Variants in INPP4A observed in about 807,000 individuals in gnomAD.
INPP4A encodes the protein inositol polyphosphate-4-phosphatase type I A, also known as inositol polyphosphate-4-phosphatase, type I, 107kD.
Under a neutral mutation model 119.8 loss-of-function variants are expected in INPP4A, and 33 were observed. That is an observed-to-expected ratio of 0.28 (90% CI 0.21 to 0.37). The LOEUF is 0.37. Ranked by LOEUF, INPP4A falls within the 10% of genes least tolerant of loss-of-function variation. The pLI is 1.00. For synonymous variants in INPP4A, 496 were observed against 500.7 expected (o/e 0.99, Z 0.12); for missense variants, 956 against 1,289.9 (o/e 0.74, Z 3.97).
intron 1 of INPP4A, among the ~76,000 whole-genome samples, chr2:98,473,725 C>T (rs764960304): frequency 5.9e-5 from 9 of 152,100 alleles, no homozygotes; most frequent in Non-Finnish European, 1.2e-4. Flanking sequence ...CCCAGGGTCA[C>T]ACAGCATTAA....
chr2:98,529,751 AAAAG>A (rs1052806693), intron 4 of INPP4A, among the ~76,000 whole-genome samples: 1 of 152,196 alleles, frequency 6.6e-6, no homozygotes, highest in Non-Finnish European at 1.5e-5. Context: ...AAAAAACAAA[AAAAG>A]ACAAAAAATA....
chr2:98,484,462 G>A (rs1002698770), intron 1 of INPP4A, among the ~76,000 whole-genome samples: 5 of 152,164 alleles, frequency 3.3e-5, no homozygotes, highest in Non-Finnish European at 5.9e-5. Context: ...TCACGTGACT[G>A]GGGTGGGAAG....
chr2:98,457,785 G>T (rs1223153408), intron 1 of INPP4A, among the ~76,000 whole-genome samples: 1 of 152,078 alleles, frequency 6.6e-6, no homozygotes, highest in African/African-American at 2.4e-5. Context: ...GACTATATTA[G>T]GGAGAAACTC....
intron 24 of INPP4A, among the ~76,000 whole-genome samples, chr2:98,586,594 TC>T (rs1183987388): frequency 1.2e-4 from 19 of 152,346 alleles, no homozygotes; most frequent in African/African-American, 4.3e-4. Flanking sequence ...CCCAGAGAAC[TC>T]CCCGGACGCG....
At chr2:98,527,733 G>C (rs144528422) in intron 4 of INPP4A, among the ~76,000 whole-genome samples, 33 of 152,290 alleles carry the variant, frequency 2.2e-4, no homozygotes, top group African/African-American at 7.7e-4. Context: ...CTACAGCAAA[G>C]GTCTGTGATT....
In INPP4A at chr2:98,569,276, C is replaced by G. The variant is rs1697021389; in HGVS notation, c.2518+608C>G. ...AACCCAGTGAATATTCCCTGAGGAC[C>G]TGCTGTGTGTAAAGTGCTAGAGGAT... is the stretch of plus-strand genomic sequence containing the variant. On this transcript the variant is annotated intron_variant, in intron 22 of 24. Transcript: ENST00000409851. The surrounding 1 kb of genome is among the most constrained non-coding windows in gnomAD (Gnocchi z 5.1). 6.6e-6 allele frequency: 1 copy of G among 152,634 alleles called. No individual in the cohort carries two copies. Among genetic ancestry groups the G allele is most frequent in the African/African-American group, 2.4e-5 (1 of 41,436 alleles). 9.5% of individuals were successfully genotyped at this position (152,634 alleles called of 1,614,324 possible). A position where few individuals can be genotyped will look rare whatever the true frequency, so the allele number is the denominator to read the frequency against.
intron 1 of INPP4A, among the ~76,000 whole-genome samples, chr2:98,463,458 GC>G (rs1156374991): frequency 6.6e-6 from 1 of 152,238 alleles, no homozygotes; most frequent in Non-Finnish European, 1.5e-5. Context: ...GAAGGCAACG[GC>G]CTGGGCAGCA....
intron 23 of INPP4A, among the ~76,000 whole-genome samples, 188 bp from the exon 24 acceptor site, chr2:98,576,801 T>A (rs536915254): frequency 6.6e-6 from 1 of 152,326 alleles, no homozygotes; most frequent in Non-Finnish European, 1.5e-5. Flanking sequence ...TGTAAGTGAC[T>A]TGGTTTCTAT....
rs1694282790 is a variant in INPP4A, at chr2:98,555,464, A to G, written c.1567-89A>G. The G allele has an allele frequency of 2.2e-6, 3 of 1,374,064 alleles. No individual in the cohort carries two copies. In the Admixed American group the frequency reaches 6.7e-5, roughly 31 times the overall value. The allele number at this position is 1,374,064 out of a possible 1,614,324, so 85.1% of individuals were successfully genotyped here. ...TTTAACAAGTGTGGAAGCCTAGGGCAGGGGATCAGTGGAGGGCGATTTGGT... is the reference window on the plus strand; with the variant it reads ...TTTAACAAGTGTGGAAGCCTAGGGCGGGGGATCAGTGGAGGGCGATTTGGT... On this transcript the variant is annotated intron_variant, in intron 15 of 24. Transcript: ENST00000409851.
chr2:98,512,576 CAG>C (rs1292278637), intron 1 of INPP4A, among the ~76,000 whole-genome samples: 1 of 152,170 alleles, frequency 6.6e-6, no homozygotes. Context: ...GCATGAGAGA[CAG>C]AGAGGAAATC....
chr2:98,574,463 C>A (rs1698067559), intron 23 of INPP4A, among the ~76,000 whole-genome samples: 1 of 151,994 alleles, frequency 6.6e-6, no homozygotes, highest in Non-Finnish European at 1.5e-5. Flanking sequence ...CATGGTGAAA[C>A]CCCATCTCTA....
chr2:98,482,977 C>T (rs556440196), intron 1 of INPP4A, among the ~76,000 whole-genome samples: 13 of 152,140 alleles, frequency 8.5e-5, no homozygotes, highest in Non-Finnish European at 1.5e-4. Context: ...TGAATCTGTA[C>T]GTATATAATG....
chr2:98,469,920 C>T (rs1036263047), intron 1 of INPP4A, among the ~76,000 whole-genome samples: 1 of 152,220 alleles, frequency 6.6e-6, no homozygotes, highest in Non-Finnish European at 1.5e-5. Flanking sequence ...CCTCAGTCCC[C>T]TCCTTCTCTC....
intron 1 of INPP4A, among the ~76,000 whole-genome samples, chr2:98,502,147 G>C (rs1303302847): frequency 3.3e-5 from 5 of 152,220 alleles, no homozygotes; most frequent in African/African-American, 1.2e-4. Context: ...AGTCCTGAGG[G>C]CATTAGGTGA....
intron 19 of INPP4A, among the ~76,000 whole-genome samples, chr2:98,565,180 T>C (rs553210616): frequency 6.6e-6 from 1 of 152,330 alleles, no homozygotes; most frequent in African/African-American, 2.4e-5. Flanking sequence ...CCTACCCTTG[T>C]TTATTATTTA....
chr2:98,546,805 CT>C lies in INPP4A; in HGVS notation c.1163+115del. 1 of 706,532 alleles carries C rather than the reference CT, an allele frequency of 1.4e-6. No individual in the cohort carries two copies. The highest frequency in any genetic ancestry group is 2.2e-5 in the Admixed American group (1 of 45,042). The allele number at this position is 706,532 out of a possible 1,614,324, so 43.8% of individuals were successfully genotyped here. ...CAAAAACACCCAGCCATCTGATCTG[CT>C]TTTGCGTGGCAGGAGGATCTGCCTT... On this transcript the variant is annotated intron_variant, in intron 13 of 24. Coordinates refer to ENST00000409851, the MANE Select transcript of INPP4A (RefSeq NM_001134225.2). The surrounding 1 kb of genome is among the most constrained non-coding windows in gnomAD (Gnocchi z 4.2).
At chr2:98,564,322 AC>A (rs1229203963) in intron 18 of INPP4A, among the ~76,000 whole-genome samples, 1 of 152,086 alleles carries the variant, frequency 6.6e-6, no homozygotes, top group Non-Finnish European at 1.5e-5. Context: ...GAGTAGATAG[AC>A]CCTTTCACTG....
intron 1 of INPP4A, among the ~76,000 whole-genome samples, chr2:98,463,983 A>T (rs772990910): frequency 2.6e-5 from 4 of 152,258 alleles, no homozygotes; most frequent in African/African-American, 4.8e-5. Flanking sequence ...TGGCGCTGGC[A>T]GAAGCTTGTA....
intron 1 of INPP4A, among the ~76,000 whole-genome samples, chr2:98,507,134 C>T (rs1684220425): frequency 6.6e-6 from 1 of 152,222 alleles, no homozygotes; most frequent in Admixed American, 6.5e-5. Flanking sequence ...AGGGGCCATT[C>T]TGGCCATTTC....
Sources: gnomAD v4.1 joint callset for allele counts (sites outside exome capture counted in the v4.1 genomes callset) on GRCh38, gnomAD v4.1.1 for gene constraint, Gnocchi (gnomAD v3.1) non-coding constraint, MANE v1.5 for transcripts, NCBI Gene and HGNC (gene_info 2026-07-23, HGNC 2026-07-21) for gene names.